The following NRP1 variants were observed in gnomAD, a reference collection of about 807,000 sequenced individuals.
NRP1 encodes neuropilin 1.
A neutral mutation model predicts 106.7 loss-of-function variants in NRP1; 35 were observed. The ratio of observed to expected loss-of-function variants is 0.33; its 90% CI spans 0.25 to 0.43. NRP1 has a LOEUF of 0.43. NRP1 is among the 20% of genes least tolerant of loss of function. NRP1 has a pLI of 1.00. For synonymous variants in NRP1, 437 were observed against 417.9 expected, an observed-to-expected ratio of 1.05 and a Z score of -0.56; for missense variants, 1,024 against 1,170.4, an observed-to-expected ratio of 0.87 and a Z score of 1.83.
intron 6 of NRP1, among the ~76,000 whole-genome samples, chr10:33,248,163 G>A (rs987157022): frequency 6.6e-6 from 1 of 152,060 alleles, no homozygotes; most frequent in African/African-American, 2.4e-5. Context: ...GGTGGCACAC[G>A]CCTGTAATCC....
chr10:33,187,337 G>A (rs1422703268), intron 13 of NRP1, among the ~76,000 whole-genome samples: 2 of 152,132 alleles, frequency 1.3e-5, no homozygotes, highest in Non-Finnish European at 2.9e-5. Context: ...TCATAAACCT[G>A]TAGTTTTTCC....
At position 33,230,744 on chromosome 10, in the gene NRP1, G is replaced by A. The variant is rs146542415; in HGVS notation, c.982-4455C>T. 2.6e-5 allele frequency among the ~76,000 whole-genome samples: 4 copies of A among 152,208 alleles called. No individual in the cohort carries two copies. The East Asian group carries it at 7.7e-4, about 29-fold the overall frequency. On this transcript the variant is annotated intron_variant, in intron 6 of 16. Transcript: ENST00000374867. ...CAACTTATCACCCATTGTGAAAATGGTGTATAAGCATCTGAATCTATTTCT... is the reference window on the plus strand; with the variant it reads ...CAACTTATCACCCATTGTGAAAATGATGTATAAGCATCTGAATCTATTTCT...
chr10:33,285,692 G>C (rs1380648682), intron 2 of NRP1, among the ~76,000 whole-genome samples: 1 of 152,122 alleles, frequency 6.6e-6, no homozygotes, highest in East Asian at 1.9e-4. Context: ...ACCAGCCATG[G>C]TGGTGCATGC....
At chr10:33,310,818 A>G (rs1419470350) in intron 2 of NRP1, among the ~76,000 whole-genome samples, 1 of 152,198 alleles carries the variant, frequency 6.6e-6, no homozygotes, top group African/African-American at 2.4e-5. Flanking sequence ...AGTTTTTAAC[A>G]TTTATTGGAT....
chr10:33,280,855 G>A (rs2133370481), intron 2 of NRP1, among the ~76,000 whole-genome samples: 1 of 151,894 alleles, frequency 6.6e-6, no homozygotes, highest in South Asian at 2.1e-4. Context: ...GGTGGCACAC[G>A]CCTGTAGTCC....
intron 3 of NRP1, among the ~76,000 whole-genome samples, chr10:33,267,067 C>A (rs987557885): frequency 2.0e-5 from 3 of 151,996 alleles, no homozygotes; most frequent in African/African-American, 7.2e-5. Flanking sequence ...ACGTGTAGCA[C>A]CTCCCCTCCC....
At chr10:33,219,709 TA>T (rs1026152514) in intron 8 of NRP1, among the ~76,000 whole-genome samples, 65 of 152,200 alleles carry the variant, frequency 4.3e-4, no homozygotes, top group African/African-American at 1.3e-3. Flanking sequence ...AGTTTAGGTA[TA>T]AAAAAAATTG....
intron 2 of NRP1, among the ~76,000 whole-genome samples, chr10:33,322,335 G>T (rs538797866): frequency 6.6e-6 from 1 of 152,114 alleles, no homozygotes; most frequent in East Asian, 1.9e-4. Context: ...TTACTCCCCA[G>T]GATTTCCATT....
At chr10:33,252,600 C>G (rs967182617) in intron 6 of NRP1, among the ~76,000 whole-genome samples, 13 of 152,214 alleles carry the variant, frequency 8.5e-5, no homozygotes, top group African/African-American at 2.9e-4. Flanking sequence ...GGAGACCTTT[C>G]CTGTTTCATT....
intron 6 of NRP1, 54 bp from the exon 7 acceptor site, chr10:33,226,343 C>A: frequency 1.3e-6 from 2 of 1,589,578 alleles, no homozygotes; most frequent in Non-Finnish European, 8.6e-7. Context: ...CACAGTAACC[C>A]AAAGCATCTT....
chr10:33,334,268 G>A (rs1848478048), intron 1 of NRP1, 42 bp downstream of exon 1: 1 of 1,524,672 alleles, frequency 6.6e-7, no homozygotes, highest in South Asian at 1.2e-5. Flanking sequence ...GCAGCTGGGA[G>A]CCGGGGCGCC....
chr10:33,239,329 AT>A (rs1411014883), intron 6 of NRP1, among the ~76,000 whole-genome samples: 2 of 152,008 alleles, frequency 1.3e-5, no homozygotes, highest in Non-Finnish European at 2.9e-5. Context: ...AGATTCACCT[AT>A]TTTCACATAT....
intron 4 of NRP1, among the ~76,000 whole-genome samples, chr10:33,259,910 G>A (rs1185109485): frequency 1.3e-5 from 2 of 151,972 alleles, no homozygotes; most frequent in Non-Finnish European, 2.9e-5. Flanking sequence ...GCTGCAGTGC[G>A]GTGGCGCAAT....
intron 9 of NRP1, chr10:33,212,952 T>G: frequency 4.8e-6 from 2 of 419,524 alleles, no homozygotes; most frequent in Non-Finnish European, 8.5e-6. Flanking sequence ...ATTACAGGCA[T>G]GAGCCACTGA....
intron 2 of NRP1, 69 bp downstream of exon 2, chr10:33,330,639 T>C (rs1589010397): frequency 7.2e-7 from 1 of 1,379,740 alleles, no homozygotes; most frequent in Non-Finnish European, 9.9e-7. Flanking sequence ...CACACCGACT[T>C]CCCCCCCGTA....
At chr10:33,273,613 T>C (rs1656353250) in intron 2 of NRP1, among the ~76,000 whole-genome samples, 1 of 152,184 alleles carries the variant, frequency 6.6e-6, no homozygotes, top group South Asian at 2.1e-4. Flanking sequence ...GCTCGGGATG[T>C]CGAGATCCCC....
At chr10:33,329,028 A>G (rs1397907861) in intron 2 of NRP1, among the ~76,000 whole-genome samples, 1 of 152,232 alleles carries the variant, frequency 6.6e-6, no homozygotes, top group Non-Finnish European at 1.5e-5. Flanking sequence ...AAAAGCAAAT[A>G]CTAATAACTA....
chr10:33,203,008 C>A lies in NRP1; in HGVS notation c.1760-13G>T, dbSNP rs982640667. ...CCAGCTGTAGGGGCTGAAACAAGAT[C>A]CAAGGATTATTATCTCACACCTTGG... On this transcript the variant is annotated splice_polypyrimidine_tract_variant and intron_variant, in intron 10 of 16. Coordinates refer to ENST00000374867, the MANE Select transcript of NRP1 (RefSeq NM_003873.7). The A allele has an allele frequency of 1.2e-6, 2 of 1,604,232 alleles. No individual in the cohort carries two copies. Among genetic ancestry groups the A allele is most frequent in the Admixed American group, 3.4e-5 (2 of 59,344 alleles).
chr10:33,183,033 T>C (rs919485433), intron 15 of NRP1, among the ~76,000 whole-genome samples: 4 of 152,134 alleles, frequency 2.6e-5, no homozygotes. Context: ...ATCTGTTGTT[T>C]TAGGAGACAA....
Sources: allele counts gnomAD v4.1 joint callset (sites outside exome capture counted in the v4.1 genomes callset), GRCh38; gene constraint gnomAD v4.1.1; transcripts MANE v1.5; gene names NCBI Gene and HGNC (gene_info 2026-07-23, HGNC 2026-07-21).